CMKLR1: variants seen among roughly 807,000 people sequenced by gnomAD.
CMKLR1 encodes chemerin-like receptor 1.
Under a neutral mutation model 8.2 loss-of-function variants are expected in CMKLR1, and 6 were observed. That is an observed-to-expected ratio of 0.73 (90% CI 0.40 to 1.44). The LOEUF is 1.44. Ranked by LOEUF, CMKLR1 falls within the 40% of genes most tolerant of loss-of-function variation. The pLI is 0.02. For missense variants in CMKLR1, 429 were observed against 478.0 expected, an observed-to-expected ratio of 0.90 and a Z score of 0.96; for synonymous variants, 178 against 181.2, an observed-to-expected ratio of 0.98 and a Z score of 0.14.
chr12:108,292,296 T>C lies in CMKLR1; in HGVS notation c.667A>G (p.Thr223Ala), dbSNP rs776053757. The C allele has an allele frequency of 3.7e-6, 6 of 1,614,028 alleles. No homozygotes were observed. Among genetic ancestry groups the C allele is most frequent in the Non-Finnish European group, 8.5e-7 (1 of 1,179,992 alleles). The change falls in exon 4 of 4, where the codon ACC (threonine) becomes GCC (alanine). Residue 223 changes from threonine (T) to alanine (A), a missense_variant. Transcript: ENST00000550402. Reference sequence around the variant, plus strand: ...ACCAGGAAGCCACAGAGGAAGCGGGTGACAGTCACCACCATGTGCCGGCTA... The same window carrying C: ...ACCAGGAAGCCACAGAGGAAGCGGGCGACAGTCACCACCATGTGCCGGCTA... ...GYSRHMVVTV[T>A]RFLCGFLVPV...
intron 2 of CMKLR1, among the ~76,000 whole-genome samples, chr12:108,304,621 C>A (rs1350709531): frequency 6.6e-6 from 1 of 152,028 alleles, no homozygotes; most frequent in Non-Finnish European, 1.5e-5. Context: ...TTGTTCCTGG[C>A]CCTCTCCGTC....
chr12:108,290,779 T>G lies in CMKLR1; in HGVS notation c.*1062A>C, dbSNP rs944094444. The G allele has an allele frequency of 2.0e-5, 3 of 152,244 alleles. No homozygotes were observed. Among genetic ancestry groups the G allele is most frequent in the Admixed American group, 6.5e-5 (1 of 15,288 alleles). The allele number at this position is 152,244 out of a possible 1,614,324, so 9.4% of individuals were successfully genotyped here. ...GTCCAGCTCCAGACTCTGTCTCAAG[T>G]GACTGAGTCCTCGGACATACTCTTC... On this transcript the variant is annotated 3_prime_UTR_variant, in exon 4 of 4. Transcript: ENST00000550402.
rs35400559 is a variant in CMKLR1 at position 108,288,956 on chromosome 12, C to CG, written c.*2884_*2885insC. The CG allele has an allele frequency of 0.16, 22,967 of 144,022 alleles. 2,321 individuals are homozygous for CG. Among genetic ancestry groups the CG allele is most frequent in the Non-Finnish European group, 0.23 (15,660 of 67,056 alleles). 8.9% of individuals were successfully genotyped at this position (144,022 alleles called of 1,614,324 possible). ...TGAAACAGAAACTCACTTTCTGCAC[C>CG]CCCCCCCCACCTTGCTATGATGGTC... is the stretch of plus-strand genomic sequence containing the variant. On this transcript the variant is annotated 3_prime_UTR_variant, in exon 4 of 4. Coordinates refer to ENST00000550402, the MANE Select transcript of CMKLR1 (RefSeq NM_001142343.2).
chr12:108,301,475 T>C (rs138145434), intron 2 of CMKLR1, among the ~76,000 whole-genome samples: 2 of 152,196 alleles, frequency 1.3e-5, no homozygotes, highest in East Asian at 3.9e-4. Context: ...TACCTGAAAA[T>C]GCCACCCAGG....
intron 2 of CMKLR1, among the ~76,000 whole-genome samples, chr12:108,300,234 G>A (rs1891232914): frequency 6.6e-6 from 1 of 152,192 alleles, no homozygotes; most frequent in Non-Finnish European, 1.5e-5. Flanking sequence ...CTGGGCTCCA[G>A]GAGCAGGTGC....
intron 2 of CMKLR1, among the ~76,000 whole-genome samples, chr12:108,305,621 G>A (rs1378710356): frequency 2.0e-5 from 3 of 152,114 alleles, no homozygotes; most frequent in Non-Finnish European, 4.4e-5. Context: ...TGTATCCCCA[G>A]GCTCTGACAG....
At chr12:108,302,814 T>C (rs1891312991) in intron 2 of CMKLR1, among the ~76,000 whole-genome samples, 1 of 151,662 alleles carries the variant, frequency 6.6e-6, no homozygotes, top group Non-Finnish European at 1.5e-5. Flanking sequence ...AATGGCTCCA[T>C]GGGAGAGAGG....
intron 1 of CMKLR1, among the ~76,000 whole-genome samples, chr12:108,335,615 C>A (rs1017422506): frequency 1.3e-5 from 2 of 152,162 alleles, no homozygotes; most frequent in African/African-American, 4.8e-5. Context: ...ATTATTGTGG[C>A]CAAAGAGTAA....
chr12:108,323,693 G>A (rs1364240357), intron 2 of CMKLR1, among the ~76,000 whole-genome samples: 2 of 151,982 alleles, frequency 1.3e-5, no homozygotes, highest in Admixed American at 6.6e-5. Context: ...CAATGTGTAG[G>A]ACTTGGGGTG....
At chr12:108,293,882 G>A (rs1016885860) in intron 2 of CMKLR1, among the ~76,000 whole-genome samples, 2 of 152,198 alleles carry the variant, frequency 1.3e-5, no homozygotes, top group Non-Finnish European at 2.9e-5. Context: ...CCCAGGTCAA[G>A]TGCTGGACTC....
intron 2 of CMKLR1, among the ~76,000 whole-genome samples, chr12:108,310,501 T>C (rs1489842204): frequency 6.6e-6 from 1 of 152,156 alleles, no homozygotes; most frequent in Non-Finnish European, 1.5e-5. Flanking sequence ...GGCATCAGGA[T>C]GTCCCATCAG....
At chr12:108,301,097 G>A (rs1469367088) in intron 2 of CMKLR1, among the ~76,000 whole-genome samples, 3 of 108,224 alleles carry the variant, frequency 2.8e-5, no homozygotes, top group Non-Finnish European at 5.3e-5. Context: ...TTTTTTTTGA[G>A]ACGAAGTCTC....
intron 2 of CMKLR1, among the ~76,000 whole-genome samples, chr12:108,313,170 C>G (rs796952175): frequency 1.3e-5 from 2 of 152,264 alleles, no homozygotes; most frequent in African/African-American, 4.8e-5. Flanking sequence ...GCAGGCTGCC[C>G]TTCCTTTTGA....
rs937946324 is a variant in CMKLR1, at chr12:108,288,427, G to A, written c.*3414C>T. ...TTTGAAGGTCCCTTATGGTTTTCAC[G>A]ATTGGATTCTATCTTCTCCCACCCA... On this transcript the variant is annotated 3_prime_UTR_variant, in exon 4 of 4. Transcript: ENST00000550402. 2 of 152,198 alleles carry A rather than the reference G, an allele frequency of 1.3e-5. No homozygotes were observed. The highest frequency in any genetic ancestry group is 2.4e-5 in the African/African-American group (1 of 41,438). 9.4% of individuals were successfully genotyped at this position (152,198 alleles called of 1,614,324 possible).
At chr12:108,302,255 G>A (rs181828008) in intron 2 of CMKLR1, among the ~76,000 whole-genome samples, 24 of 152,328 alleles carry the variant, frequency 1.6e-4, no homozygotes, top group East Asian at 1.4e-3. Flanking sequence ...CAGGTTGGCC[G>A]GGTGGGAGCA....
intron 3 of CMKLR1, 64 bp downstream of exon 3, chr12:108,293,524 CT>C: frequency 6.5e-7 from 1 of 1,533,200 alleles, no homozygotes; most frequent in East Asian, 2.4e-5. Flanking sequence ...TGTGATCCCC[CT>C]GTGCACCCAA....
intron 2 of CMKLR1, among the ~76,000 whole-genome samples, chr12:108,314,706 A>T (rs914298863): frequency 6.6e-6 from 1 of 151,998 alleles, no homozygotes; most frequent in Non-Finnish European, 1.5e-5. Context: ...TAGCAGTAGC[A>T]GTGATAAGTG....
intron 2 of CMKLR1, among the ~76,000 whole-genome samples, chr12:108,305,346 A>T (rs1222856258): frequency 1.3e-5 from 2 of 152,170 alleles, no homozygotes; most frequent in Non-Finnish European, 2.9e-5. Context: ...GATTTGAACC[A>T]AGGACTTTTT....
intron 2 of CMKLR1, among the ~76,000 whole-genome samples, chr12:108,312,543 C>A (rs1435875348): frequency 6.6e-6 from 1 of 152,202 alleles, no homozygotes; most frequent in East Asian, 1.9e-4. Context: ...ACGGCATACT[C>A]AGTGCCTCCA....
Sources: allele counts gnomAD v4.1 joint callset (sites outside exome capture counted in the v4.1 genomes callset), GRCh38; gene constraint gnomAD v4.1.1; transcripts MANE v1.5; gene names NCBI Gene and HGNC (gene_info 2026-07-23, HGNC 2026-07-21).